Variants in NPM2 observed in about 807,000 individuals in gnomAD.
The protein encoded by NPM2 is nucleophosmin/nucleoplasmin 2.
Under a neutral mutation model 32.0 loss-of-function variants are expected in NPM2, and 25 were observed. The observed-to-expected ratio is 0.78, with a 90% CI of 0.57 to 1.09. The LOEUF (loss-of-function observed/expected upper bound fraction) is 1.09, where lower values mean the gene tolerates loss of function less well. Among genes scored for constraint, NPM2 ranks in the 50% least tolerant of loss-of-function variants. NPM2 has a pLI of 0.00. For synonymous variants in NPM2, 111 were observed against 94.2 expected (o/e 1.18, Z -1.04); for missense variants, 282 against 259.9 (o/e 1.08, Z -0.58).
rs370082476 is a variant in NPM2, at chr8:22,036,606, C to A, written c.601-32C>A. 3.9e-6 allele frequency: 6 copies of A among 1,553,920 alleles called. No homozygotes were observed. The South Asian group carries it at 4.8e-5, about 12-fold the overall frequency. ...GGGCTGCCTGGTATGGAGAAGGGAA[C>A]GGGACCCTGGAGCCCTGCCTTCCCT... On this transcript the variant is annotated intron_variant, in intron 9 of 9. Transcript: ENST00000518119.
rs1384438557 is a variant in NPM2 at position 22,025,204 on chromosome 8, C to T, written c.-33-12C>T. On this transcript the variant is annotated splice_polypyrimidine_tract_variant and intron_variant, in intron 2 of 9. Transcript: ENST00000518119. ...CAGGGAGCAAGGCCTCACGCGGGCG[C>T]CCTCCTTGCAGCTGCCCGGCCAGCC... 1.9e-5 allele frequency: 31 copies of T among 1,597,528 alleles called. No individual in the cohort carries two copies. Among genetic ancestry groups the T allele is most frequent in the Non-Finnish European group, 2.6e-5 (31 of 1,174,232 alleles).
chr8:22,029,067 T>G (rs1800350786), intron 5 of NPM2, among the ~76,000 whole-genome samples: 1 of 152,244 alleles, frequency 6.6e-6, no homozygotes, highest in African/African-American at 2.4e-5. Flanking sequence ...TTAACAATCA[T>G]ACATTACTCA....
chr8:22,032,909 T>C (rs1800485783), intron 5 of NPM2, among the ~76,000 whole-genome samples: 1 of 152,020 alleles, frequency 6.6e-6, no homozygotes, highest in South Asian at 2.1e-4. Flanking sequence ...CTAATCAGAT[T>C]CCTCTATCTG....
chr8:22,026,287 C>T (rs972382302), intron 5 of NPM2, among the ~76,000 whole-genome samples: 1 of 152,074 alleles, frequency 6.6e-6, no homozygotes, highest in East Asian at 1.9e-4. Flanking sequence ...TTCCAGGAAA[C>T]CATTCCCTGG....
chr8:22,028,135 C>G (rs749303090), intron 5 of NPM2, among the ~76,000 whole-genome samples: 1 of 152,154 alleles, frequency 6.6e-6, no homozygotes, highest in African/African-American at 2.4e-5. Context: ...GGGCTTGAAT[C>G]TAGGCTGCTG....
At chr8:22,030,529 C>T (rs1045992947) in intron 5 of NPM2, among the ~76,000 whole-genome samples, 2 of 152,136 alleles carry the variant, frequency 1.3e-5, no homozygotes, top group Non-Finnish European at 2.9e-5. Flanking sequence ...TGTGAGCCAC[C>T]ATGCCCATCC....
At position 22,036,627 on chromosome 8, in the gene NPM2, T is replaced by C; in HGVS notation, c.601-11T>C. ...GGAACGGGACCCTGGAGCCCTGCCT[T>C]CCCTCCACAGGCCAAAGCCACAGCC... On this transcript the variant is annotated splice_polypyrimidine_tract_variant and intron_variant, in intron 9 of 9. Transcript: ENST00000518119. The C allele has an allele frequency of 6.4e-7, 1 of 1,551,560 alleles. No individual in the cohort carries two copies. The highest frequency in any genetic ancestry group is 2.4e-5 in the East Asian group (1 of 40,920).
At chr8:22,034,656 T>C (rs1800560510) in intron 8 of NPM2, 112 bp downstream of exon 8, 2 of 868,712 alleles carry the variant, frequency 2.3e-6, no homozygotes, top group Non-Finnish European at 3.7e-6. Context: ...ACGGTGTGTC[T>C]ACCTGCACTC....
At chr8:22,028,656 G>A (rs10216548) in intron 5 of NPM2, among the ~76,000 whole-genome samples, 1 of 152,192 alleles carries the variant, frequency 6.6e-6, no homozygotes, top group East Asian at 1.9e-4. Flanking sequence ...ACACAGGTTA[G>A]ATCATGTGGC....
intron 8 of NPM2, among the ~76,000 whole-genome samples, chr8:22,035,295 A>G (rs1318011782): frequency 6.6e-6 from 1 of 152,170 alleles, no homozygotes; most frequent in East Asian, 1.9e-4. Context: ...GTTTAATGAG[A>G]CAGGGTTTTG....
chr8:22,027,169 G>A (rs772259348), intron 5 of NPM2, among the ~76,000 whole-genome samples: 1 of 152,130 alleles, frequency 6.6e-6, no homozygotes, highest in Non-Finnish European at 1.5e-5. Context: ...TGGCCTATAA[G>A]TGATAGTATT....
At chr8:22,027,720 T>TAG (rs1800302509) in intron 5 of NPM2, among the ~76,000 whole-genome samples, 1 of 151,800 alleles carries the variant, frequency 6.6e-6, no homozygotes, top group Non-Finnish European at 1.5e-5. Flanking sequence ...GATTCTCCCA[T>TAG]CTCAGCCTCC....
intron 8 of NPM2, among the ~76,000 whole-genome samples, chr8:22,035,183 T>C (rs912547908): frequency 4.6e-5 from 7 of 152,238 alleles, no homozygotes; most frequent in African/African-American, 1.2e-4. Flanking sequence ...TCTACCAATA[T>C]AACAATTCAC....
intron 5 of NPM2, among the ~76,000 whole-genome samples, chr8:22,028,988 C>T (rs919801823): frequency 6.6e-6 from 1 of 151,978 alleles, no homozygotes; most frequent in Admixed American, 6.6e-5. Flanking sequence ...AGTTCCTTTT[C>T]CCCTTCTCTA....
intron 5 of NPM2, among the ~76,000 whole-genome samples, chr8:22,032,534 A>G (rs543113043): frequency 2.0e-5 from 3 of 152,304 alleles, no homozygotes; most frequent in South Asian, 2.1e-4. Flanking sequence ...CCAAGTTGCT[A>G]TAACAAAATA....
At chr8:22,025,007 G>A in intron 2 of NPM2, 177 bp downstream of exon 2, 3 of 540,824 alleles carry the variant, frequency 5.5e-6, no homozygotes, top group Non-Finnish European at 9.7e-6. Flanking sequence ...CCGCTGTCCT[G>A]TACGCGCCCG....
chr8:22,029,494 A>G (rs116745060), intron 5 of NPM2, among the ~76,000 whole-genome samples: 5,665 of 152,178 alleles, frequency 0.037, 342 homozygotes, highest in African/African-American at 0.13. Context: ...TCTAGCTCCA[A>G]CTTGTCAGCC....
At position 22,025,455 on chromosome 8, in the gene NPM2, G is replaced by C; in HGVS notation, c.78G>C (p.Glu26Asp). 6.2e-7 allele frequency: 1 copy of C among 1,614,142 alleles called. No individual in the cohort carries two copies. Among genetic ancestry groups the C allele is most frequent in the Non-Finnish European group, 8.5e-7 (1 of 1,180,018 alleles). The change falls in exon 4 of 10, where the codon GAG becomes GAC. Residue 26 changes from glutamate to aspartate, a missense_variant. Transcript: ENST00000518119. ...CCGCAGGCTGCGAGCTCAGTCAGGA[G>C]AGGCGGACTTGGACCTTCAGACCCC... is the stretch of plus-strand genomic sequence containing the variant. ...TVLWGCELSQ[E>D]RRTWTFRPQL...
intron 5 of NPM2, among the ~76,000 whole-genome samples, chr8:22,032,921 C>T (rs536862739): frequency 7.2e-5 from 11 of 152,198 alleles, no homozygotes; most frequent in East Asian, 1.9e-4. Context: ...CTCTATCTGA[C>T]GGCTGCCCTT....
Sources: gnomAD v4.1 joint callset for allele counts (sites outside exome capture counted in the v4.1 genomes callset) on GRCh38, gnomAD v4.1.1 for gene constraint, MANE v1.5 for transcripts, NCBI Gene and HGNC (gene_info 2026-07-23, HGNC 2026-07-21) for gene names.